TRPC5: variants seen among roughly 807,000 people sequenced by gnomAD.
The protein encoded by TRPC5 is short transient receptor potential channel 5.
In TRPC5, 9 loss-of-function variants were observed where a neutral mutation model predicts 56.5. That is an observed-to-expected ratio of 0.16 (90% CI 0.10 to 0.28). The LOEUF (loss-of-function observed/expected upper bound fraction) is 0.28, where lower values mean the gene tolerates loss of function less well. Among genes scored for constraint, TRPC5 ranks in the 10% least tolerant of loss-of-function variants. The pLI, the probability that TRPC5 is intolerant of heterozygous loss-of-function variation, is 1.00. For missense variants in TRPC5, 469 were observed against 748.9 expected (o/e 0.63, Z 4.36); for synonymous variants, 282 against 278.5 (o/e 1.01, Z -0.13).
intron 1 of TRPC5, among the ~76,000 whole-genome samples, chrX:112,080,391 T>TACATACACACACACAC (rs1207559903): frequency 1.2e-5 from 1 of 82,012 alleles, no homozygotes; most frequent in South Asian, 5.7e-4. Flanking sequence ...CTTGAAAAAC[T>TACATACACACACACAC]ACATACACAC....
intron 1 of TRPC5, among the ~76,000 whole-genome samples, chrX:112,035,733 G>A (rs1021205532): frequency 1.8e-5 from 2 of 109,209 alleles, no homozygotes; most frequent in East Asian, 5.7e-4. Flanking sequence ...CCAGGTTCAC[G>A]CCATTCTCCT....
chrX:112,070,093 G>A (rs192248765), intron 1 of TRPC5, among the ~76,000 whole-genome samples: 6 of 111,931 alleles, frequency 5.4e-5, no homozygotes, highest in Admixed American at 1.9e-4. Context: ...AACATAATAC[G>A]ACACCAGGCA....
intron 7 of TRPC5, among the ~76,000 whole-genome samples, chrX:111,798,771 T>C (rs1468281487): frequency 8.9e-6 from 1 of 111,849 alleles, no homozygotes; most frequent in Non-Finnish European, 1.9e-5. Context: ...ACCTTTTGTA[T>C]GGGTGCAGGA....
rs1603039113 is a variant in TRPC5, at chrX:111,811,228, C to A, written c.1896+23693G>T. 4.5e-5 allele frequency among the ~76,000 whole-genome samples: 5 copies of A among 112,290 alleles called. No individual in the cohort carries two copies. The Admixed American group carries it at 4.7e-4, about 11-fold the overall frequency. On this transcript the variant is annotated intron_variant, in intron 7 of 10. Transcript: ENST00000262839. ...TCTACCGTATTCCAGAAATTACATC[C>A]TTTGCAACTGTTGAAACTTATGATG...
In TRPC5 at chrX:111,774,162, T is replaced by A. The variant is rs756009358; in HGVS notation, c.*2151A>T. ...TTTAGAACGTAAGTGACAGAAGACT[T>A]TTGGAATACAGTTCCATGTCTGGCT... On this transcript the variant is annotated 3_prime_UTR_variant, in exon 11 of 11. Transcript: ENST00000262839. 5.3e-5 allele frequency among the ~76,000 whole-genome samples: 6 copies of A among 112,250 alleles called. No individual in the cohort carries two copies. Among genetic ancestry groups the A allele is most frequent in the Non-Finnish European group, 1.1e-4 (6 of 53,203 alleles).
chrX:111,803,608 G>A (rs1266990028), intron 7 of TRPC5, among the ~76,000 whole-genome samples: 1 of 112,599 alleles, frequency 8.9e-6, no homozygotes, highest in African/African-American at 3.2e-5. Context: ...CAGTGATGGT[G>A]AGCATTTTTT....
intron 1 of TRPC5, among the ~76,000 whole-genome samples, chrX:112,028,175 C>T (rs1435048342): frequency 8.9e-6 from 1 of 112,050 alleles, no homozygotes; most frequent in Non-Finnish European, 1.9e-5. Context: ...TACTCAAGTT[C>T]AAAGATCCTT....
chrX:111,841,756 G>A (rs1310320621), intron 6 of TRPC5, among the ~76,000 whole-genome samples: 1 of 111,205 alleles, frequency 9.0e-6, no homozygotes, highest in Non-Finnish European at 1.9e-5. Context: ...CGATGCCCAG[G>A]CTGGAGTGCA....
chrX:111,794,946 C>T (rs1946048423), intron 7 of TRPC5, among the ~76,000 whole-genome samples: 1 of 111,472 alleles, frequency 9.0e-6, no homozygotes, highest in African/African-American at 3.3e-5. Context: ...ATTTCAGTTA[C>T]CAATGATTTA....
chrX:111,810,378 C>T (rs1375035480), intron 7 of TRPC5, among the ~76,000 whole-genome samples: 1 of 111,258 alleles, frequency 9.0e-6, no homozygotes, highest in Non-Finnish European at 1.9e-5. Context: ...AACTGAATGA[C>T]TCTAATCTTA....
At chrX:111,934,734 AC>A (rs1225106443) in intron 2 of TRPC5, among the ~76,000 whole-genome samples, 1 of 111,572 alleles carries the variant, frequency 9.0e-6, no homozygotes, top group Non-Finnish European at 1.9e-5. Flanking sequence ...GTCTTTCTGT[AC>A]CCAGCTTAAT....
At chrX:111,882,880 G>A (rs1483002433) in intron 3 of TRPC5, among the ~76,000 whole-genome samples, 1 of 111,778 alleles carries the variant, frequency 8.9e-6, no homozygotes, top group Non-Finnish European at 1.9e-5. Context: ...GAGGTTAGGA[G>A]TTCAAGACCA....
chrX:111,927,666 T>C (rs1241691857), intron 2 of TRPC5, among the ~76,000 whole-genome samples: 1 of 111,092 alleles, frequency 9.0e-6, no homozygotes, highest in Non-Finnish European at 1.9e-5. Context: ...CTATTACTCT[T>C]AGCTACACTA....
chrX:111,780,700 A>G (rs1945913274), intron 9 of TRPC5, among the ~76,000 whole-genome samples: 1 of 111,938 alleles, frequency 8.9e-6, no homozygotes, highest in South Asian at 3.7e-4. Flanking sequence ...AAGTCGATCT[A>G]CACAGTTCAA....
intron 1 of TRPC5, among the ~76,000 whole-genome samples, chrX:111,979,074 T>C (rs1928008527): frequency 1.8e-5 from 2 of 111,133 alleles, no homozygotes; most frequent in South Asian, 7.5e-4. Flanking sequence ...ATGTACACAT[T>C]GGACTTTTGA....
chrX:111,948,333 C>T (rs1263612487), intron 2 of TRPC5, among the ~76,000 whole-genome samples: 1 of 111,499 alleles, frequency 9.0e-6, no homozygotes, highest in East Asian at 2.8e-4. Flanking sequence ...GAGGTGCAAG[C>T]TTCACGGATT....
chrX:111,824,903 C>T (rs1376890486), intron 7 of TRPC5, among the ~76,000 whole-genome samples: 1 of 111,341 alleles, frequency 9.0e-6, no homozygotes, highest in African/African-American at 3.3e-5. Flanking sequence ...GGCCAATCCC[C>T]GCTGGTGTGC....
At chrX:111,781,320 C>A in intron 8 of TRPC5, 114 bp from the exon 9 acceptor site, 1 of 639,299 alleles carries the variant, frequency 1.6e-6, no homozygotes, top group Non-Finnish European at 2.5e-6. Flanking sequence ...GCTACAGGAG[C>A]TCCTGCCTGA....
At chrX:112,007,528 A>G (rs1928875217) in intron 1 of TRPC5, among the ~76,000 whole-genome samples, 1 of 111,667 alleles carries the variant, frequency 9.0e-6, no homozygotes, top group Non-Finnish European at 1.9e-5. Context: ...TCAGTTACAG[A>G]GCACACAGCA....
Sources: allele counts gnomAD v4.1 joint callset (sites outside exome capture counted in the v4.1 genomes callset), GRCh38; gene constraint gnomAD v4.1.1; transcripts MANE v1.5; gene names NCBI Gene and HGNC (gene_info 2026-07-23, HGNC 2026-07-21).